The following PLD5 variants were observed in gnomAD, a reference collection of about 807,000 sequenced individuals.
The protein encoded by PLD5 is phospholipase D family member 5, also known as inactive phospholipase D5.
A neutral mutation model predicts 61.1 loss-of-function variants in PLD5; 36 were observed. The ratio of observed to expected loss-of-function variants is 0.59; its 90% CI spans 0.45 to 0.78. The LOEUF (loss-of-function observed/expected upper bound fraction) is 0.78. Ranked by LOEUF, PLD5 falls within the 30% of genes least tolerant of loss-of-function variation. The pLI is 0.00. For synonymous variants in PLD5, 243 were observed against 242.8 expected, an observed-to-expected ratio of 1.00 and a Z score of -0.01; for missense variants, 515 against 644.4, an observed-to-expected ratio of 0.80 and a Z score of 2.17.
intron 1 of PLD5, among the ~76,000 whole-genome samples, chr1:242,508,570 A>C (rs868681833): frequency 1.8e-4 from 27 of 152,202 alleles, no homozygotes; most frequent in African/African-American, 6.3e-4. Flanking sequence ...AGGTCAGTAC[A>C]TTCACCATTC....
At chr1:242,275,063 A>ATGTG (rs150996246) in intron 3 of PLD5, among the ~76,000 whole-genome samples, 2 of 152,048 alleles carry the variant, frequency 1.3e-5, no homozygotes, top group Admixed American at 1.3e-4. Context: ...ACATATATAT[A>ATGTG]TGTGTGTGTA....
intron 2 of PLD5, among the ~76,000 whole-genome samples, chr1:242,347,185 T>A (rs965536749): frequency 6.6e-6 from 1 of 152,194 alleles, no homozygotes; most frequent in African/African-American, 2.4e-5. Context: ...AACAGAACAT[T>A]CAACCTCAAA....
chr1:242,215,974 T>A (rs981530768), intron 5 of PLD5, among the ~76,000 whole-genome samples: 4 of 152,222 alleles, frequency 2.6e-5, no homozygotes, highest in Admixed American at 2.0e-4. Context: ...TGCCCTGTTA[T>A]CTGGGCAGAC....
chr1:242,228,982 C>T (rs1423954893), intron 4 of PLD5, among the ~76,000 whole-genome samples: 1 of 152,140 alleles, frequency 6.6e-6, no homozygotes, highest in Non-Finnish European at 1.5e-5. Flanking sequence ...TAATGTTGTA[C>T]TTTATTTTCT....
chr1:242,165,981 C>T (rs369053293), intron 5 of PLD5, among the ~76,000 whole-genome samples: 11 of 152,328 alleles, frequency 7.2e-5, no homozygotes, highest in East Asian at 3.9e-4. Flanking sequence ...AGGGACGAAG[C>T]GCTGCCCCGC....
At chr1:242,450,845 A>G (rs1666749708) in intron 1 of PLD5, among the ~76,000 whole-genome samples, 1 of 152,216 alleles carries the variant, frequency 6.6e-6, no homozygotes, top group Non-Finnish European at 1.5e-5. Context: ...ACATCTGGCC[A>G]AGATGTAGCT....
intron 4 of PLD5, among the ~76,000 whole-genome samples, chr1:242,220,707 A>ATTT (rs1553328765): frequency 1.0e-4 from 11 of 108,354 alleles, no homozygotes; most frequent in Non-Finnish European, 4.0e-5. Flanking sequence ...TTTTTAATTT[A>ATTT]TATTTTATTT....
intron 4 of PLD5, among the ~76,000 whole-genome samples, chr1:242,252,726 A>T (rs1672773281): frequency 6.6e-6 from 1 of 152,184 alleles, no homozygotes; most frequent in Non-Finnish European, 1.5e-5. Context: ...CTGGCTAAAA[A>T]TGCTGACCGT....
At chr1:242,357,762 C>T (rs1470439296) in intron 1 of PLD5, among the ~76,000 whole-genome samples, 3 of 152,110 alleles carry the variant, frequency 2.0e-5, no homozygotes, top group Non-Finnish European at 4.4e-5. Flanking sequence ...GCTGGGATTA[C>T]AGACATGAGC....
At position 242,404,104 on chromosome 1, in the gene PLD5, T is replaced by A. The variant is rs542586008; in HGVS notation, c.190-55862A>T. On this transcript the variant is annotated intron_variant, in intron 1 of 9. Transcript: ENST00000536534. The stretch of plus-strand genomic sequence containing the variant: ...CAACAGAAACCGGTCCCTGCCCACA[T>A]GGAGCTCACTGTCTAGAGAGGAGAG... Among the ~76,000 whole-genome samples the A allele has an allele frequency of 6.6e-5, 10 of 152,232 alleles. No individual in the cohort carries two copies. The South Asian group carries it at 1.7e-3, about 25-fold the overall frequency.
intron 2 of PLD5, among the ~76,000 whole-genome samples, chr1:242,315,225 T>G (rs867346568): frequency 2.0e-4 from 30 of 152,294 alleles, no homozygotes; most frequent in African/African-American, 7.0e-4. Flanking sequence ...AAAACTTAAC[T>G]AATTAATCAA....
chr1:242,352,861 G>T (rs1310663643), intron 1 of PLD5, among the ~76,000 whole-genome samples: 2 of 152,212 alleles, frequency 1.3e-5, no homozygotes, highest in African/African-American at 4.8e-5. Context: ...ATCTGCGAAA[G>T]CCCTTTACTT....
chr1:242,258,149 C>A (rs1381493001), intron 4 of PLD5, among the ~76,000 whole-genome samples: 1 of 152,180 alleles, frequency 6.6e-6, no homozygotes, highest in African/African-American at 2.4e-5. Flanking sequence ...GAATAACTTC[C>A]TTCCTGTTTC....
chr1:242,112,315 G>GTATGTAAGTATA (rs1558232868), intron 7 of PLD5, among the ~76,000 whole-genome samples: 5 of 109,098 alleles, frequency 4.6e-5, no homozygotes, highest in African/African-American at 1.4e-4. Flanking sequence ...GTGTGTGTGT[G>GTATGTAAGTATA]TGTGTGTGTA....
chr1:242,283,334 G>A (rs1674828614), intron 3 of PLD5, among the ~76,000 whole-genome samples: 1 of 152,186 alleles, frequency 6.6e-6, no homozygotes, highest in Admixed American at 6.5e-5. Flanking sequence ...AATAAAATGT[G>A]TGCGTCTGCT....
At chr1:242,340,679 C>A (rs1291026759) in intron 2 of PLD5, among the ~76,000 whole-genome samples, 1 of 152,046 alleles carries the variant, frequency 6.6e-6, no homozygotes, top group Non-Finnish European at 1.5e-5. Context: ...TACTTGTCTG[C>A]AATATACAGA....
chr1:242,371,862 TAA>T (rs987382810), intron 1 of PLD5, among the ~76,000 whole-genome samples: 2 of 148,442 alleles, frequency 1.3e-5, no homozygotes, highest in African/African-American at 2.5e-5. Context: ...CTGCTTTTTT[TAA>T]AAGTTTTTTT....
At chr1:242,397,701 C>G (rs1224058635) in intron 1 of PLD5, among the ~76,000 whole-genome samples, 1 of 151,998 alleles carries the variant, frequency 6.6e-6, no homozygotes, top group Non-Finnish European at 1.5e-5. Flanking sequence ...TAAGACTATT[C>G]TATATCTCTA....
chr1:242,281,456 T>TC (rs1222073860), intron 3 of PLD5, among the ~76,000 whole-genome samples: 1 of 152,184 alleles, frequency 6.6e-6, no homozygotes, highest in Non-Finnish European at 1.5e-5. Context: ...TAGGAGGGAC[T>TC]GTAGGTTCAA....
Sources: gnomAD v4.1 joint callset for allele counts (sites outside exome capture counted in the v4.1 genomes callset) on GRCh38, gnomAD v4.1.1 for gene constraint, MANE v1.5 for transcripts, NCBI Gene and HGNC (gene_info 2026-07-23, HGNC 2026-07-21) for gene names.